DUSP10: variants seen among roughly 807,000 people sequenced by gnomAD.
DUSP10 encodes the protein dual specificity protein phosphatase 10.
A neutral mutation model predicts 30.8 loss-of-function variants in DUSP10; 14 were observed. The ratio of observed to expected loss-of-function variants is 0.46; its 90% CI spans 0.30 to 0.71. The LOEUF is 0.71. DUSP10 is among the 30% of genes least tolerant of loss of function. DUSP10 has a pLI of 0.08. For synonymous variants in DUSP10, 254 were observed against 250.4 expected, an observed-to-expected ratio of 1.01 and a Z score of -0.14; for missense variants, 550 against 619.4, an observed-to-expected ratio of 0.89 and a Z score of 1.19.
At chr1:221,713,358 A>G (rs947767305) in intron 2 of DUSP10, among the ~76,000 whole-genome samples, 71 of 151,414 alleles carry the variant, frequency 4.7e-4, no homozygotes, top group Admixed American at 3.1e-3. Context: ...TCCCTTGAAA[A>G]CCTCATTATA....
Position 221,717,563 on chromosome 1 carries a change from T to C in DUSP10, c.812-11097A>G, listed in dbSNP as rs377240318. The stretch of plus-strand genomic sequence containing the variant: ...ATACCCTTTCCTTTTCTGAATGCAT[T>C]TTTTGTGGCTGCTGTGGACTGATTG... On this transcript the variant is annotated intron_variant, in intron 2 of 3. Transcript: ENST00000366899. 7.0e-4 allele frequency among the ~76,000 whole-genome samples: 107 copies of C among 152,250 alleles called. 1 individual carries two copies. The South Asian group carries it at 0.017, about 24-fold the overall frequency.
chr1:221,703,077 T>C (rs1660652892), intron 3 of DUSP10, among the ~76,000 whole-genome samples: 1 of 152,132 alleles, frequency 6.6e-6, no homozygotes, highest in African/African-American at 2.4e-5. Context: ...GTTCTCTTTT[T>C]TTCTGGAATT....
chr1:221,739,816 G>T, intron 1 of DUSP10, 29 bp from the exon 2 acceptor site: 1 of 1,495,414 alleles, frequency 6.7e-7, no homozygotes. Flanking sequence ...GGGAAAGAAA[G>T]AATAAAGTCA....
intron 2 of DUSP10, among the ~76,000 whole-genome samples, chr1:221,714,267 TGAGG>T (rs1367539583): frequency 6.6e-6 from 1 of 152,198 alleles, no homozygotes; most frequent in Non-Finnish European, 1.5e-5. Context: ...AGGCAGATAG[TGAGG>T]GTACAGAAGT....
intron 2 of DUSP10, among the ~76,000 whole-genome samples, chr1:221,715,071 T>C (rs1024601084): frequency 1.3e-5 from 2 of 152,236 alleles, no homozygotes; most frequent in Non-Finnish European, 2.9e-5. Flanking sequence ...AACTTGTTTA[T>C]TGGAGGGGTC....
chr1:221,737,323 C>A, intron 2 of DUSP10: 3 of 985,398 alleles, frequency 3.0e-6, no homozygotes, highest in Non-Finnish European at 3.6e-6. Context: ...CTCCTCTTTG[C>A]TCCCCAAGAC....
chr1:221,730,489 G>C (rs1387404778), intron 2 of DUSP10, among the ~76,000 whole-genome samples: 1 of 152,186 alleles, frequency 6.6e-6, no homozygotes, highest in African/African-American at 2.4e-5. Context: ...AGGAAGAGTT[G>C]CGCTTTGTTT....
intron 2 of DUSP10, among the ~76,000 whole-genome samples, chr1:221,722,032 T>C (rs985187841): frequency 6.6e-6 from 1 of 152,178 alleles, no homozygotes; most frequent in Non-Finnish European, 1.5e-5. Context: ...GATACAACAC[T>C]GGATCTGAAA....
chr1:221,735,418 G>A (rs1661736908), intron 2 of DUSP10, among the ~76,000 whole-genome samples: 1 of 152,106 alleles, frequency 6.6e-6, no homozygotes, highest in African/African-American at 2.4e-5. Flanking sequence ...CTTAAAAATG[G>A]GTACATGACA....
intron 2 of DUSP10, among the ~76,000 whole-genome samples, chr1:221,717,991 A>C (rs1661158966): frequency 6.6e-6 from 1 of 152,030 alleles, no homozygotes; most frequent in Non-Finnish European, 1.5e-5. Flanking sequence ...TTGAAGAGCC[A>C]CACTAAAACT....
rs1166037993 is a variant in DUSP10, at chr1:221,739,193, G to T, written c.552C>A (p.Asn184Lys). The T allele has an allele frequency of 1.2e-6, 2 of 1,614,074 alleles. No individual in the cohort carries two copies. Among genetic ancestry groups the T allele is most frequent in the African/African-American group, 2.7e-5 (2 of 74,910 alleles). ...IIDCRPFMEY[N>K]KSHIQGAVHI... is the part of the protein sequence containing the mutation. ...GGACAGCTCCTTGGATGTGACTCTT[G>T]TTGTACTCCATGAAGGGCCTGCAGT... is the stretch of plus-strand genomic sequence containing the variant. Residue 184 changes from asparagine to lysine, a missense_variant, in exon 2 of 4, where the codon AAC becomes AAA. Transcript: ENST00000366899.
chr1:221,719,596 A>T (rs1661218320), intron 2 of DUSP10, among the ~76,000 whole-genome samples: 2 of 152,218 alleles, frequency 1.3e-5, no homozygotes, highest in Non-Finnish European at 2.9e-5. Flanking sequence ...GTCAACATGG[A>T]CTTGAGGCTA....
chr1:221,719,901 A>G (rs913204173), intron 2 of DUSP10, among the ~76,000 whole-genome samples: 4 of 152,196 alleles, frequency 2.6e-5, no homozygotes, highest in Admixed American at 2.6e-4. Flanking sequence ...CTATAACTTC[A>G]ATATAGCCTT....
intron 2 of DUSP10, chr1:221,737,226 G>C (rs1307241174): frequency 4.1e-6 from 4 of 985,412 alleles, no homozygotes; most frequent in Non-Finnish European, 4.8e-6. Flanking sequence ...CCTCTCTTCA[G>C]ATCATGAAGA....
At chr1:221,740,018 T>C (rs1384039213) in intron 1 of DUSP10, among the ~76,000 whole-genome samples, 2 of 152,204 alleles carry the variant, frequency 1.3e-5, no homozygotes, top group Non-Finnish European at 2.9e-5. Flanking sequence ...TTGGATGTAA[T>C]GTTGTAAATG....
rs564026512 is a variant in DUSP10, at chr1:221,715,418, C to A, written c.812-8952G>T. Among the ~76,000 whole-genome samples, 294 of 152,300 alleles carry A rather than the reference C, an allele frequency of 1.9e-3. 1 individual carries two copies. The highest frequency in any genetic ancestry group is 3.4e-3 in the Non-Finnish European group (233 of 68,032). On this transcript the variant is annotated intron_variant, in intron 2 of 3. Coordinates refer to ENST00000366899, the MANE Select transcript of DUSP10 (RefSeq NM_007207.6). Reference sequence around the variant, plus strand: ...AAAAGAGCTGGGGATTGGATTTCCGCCGGCTGGAGTAGCTCAGTCCACACA... The same window carrying A: ...AAAAGAGCTGGGGATTGGATTTCCGACGGCTGGAGTAGCTCAGTCCACACA...
chr1:221,719,164 A>G (rs1234608679), intron 2 of DUSP10, among the ~76,000 whole-genome samples: 1 of 152,238 alleles, frequency 6.6e-6, no homozygotes, highest in East Asian at 1.9e-4. Flanking sequence ...AGGAAGTGGT[A>G]GGGGAAAGGA....
Position 221,719,471 on chromosome 1 carries a change from T to TA in DUSP10, c.812-13006dup, listed in dbSNP as rs200566049. Among the ~76,000 whole-genome samples, 93 of 148,134 alleles carry TA rather than the reference T, an allele frequency of 6.3e-4. 1 individual carries two copies. Among genetic ancestry groups the TA allele is most frequent in the Middle Eastern group, 3.5e-3 (1 of 288 alleles). ...AGAGACATACAAAATTACACTGGGTTAAAAAAAAAAGCTAGCATGTCCCTG... is the reference window on the plus strand; with the variant it reads ...AGAGACATACAAAATTACACTGGGTTAAAAAAAAAAAGCTAGCATGTCCCTG... On this transcript the variant is annotated intron_variant, in intron 2 of 3. Coordinates refer to ENST00000366899, the MANE Select transcript of DUSP10 (RefSeq NM_007207.6).
At position 221,702,667 on chromosome 1, in the gene DUSP10, G is replaced by A; in HGVS notation, c.1194C>T (p.His398=). The change falls in exon 4 of 4, where the codon CAC becomes CAT. Residue 398 remains histidine (H), a synonymous_variant. Coordinates refer to ENST00000366899, the MANE Select transcript of DUSP10 (RefSeq NM_007207.6). This position sits in a 1 kb window ranked among gnomAD's most constrained non-coding sequence, Gnocchi z 4.5. ...GGATGAGAAGCCCCTTCCCACACTG[G>A]TGAGCTTCCTCTGAAAAAAGGGAGA... ...EEAFEFIEEA[H]QCGKGLLIHC... is the part of the protein sequence containing the mutation. The A allele has an allele frequency of 1.2e-6, 2 of 1,613,688 alleles. No individual in the cohort carries two copies. The highest frequency in any genetic ancestry group is 1.7e-6 in the Non-Finnish European group (2 of 1,179,594).
Sources: allele counts gnomAD v4.1 joint callset (sites outside exome capture counted in the v4.1 genomes callset), GRCh38; gene constraint gnomAD v4.1.1; non-coding constraint Gnocchi (gnomAD v3.1); transcripts MANE v1.5; gene names NCBI Gene and HGNC (gene_info 2026-07-23, HGNC 2026-07-21).